CBFA2T3: variants seen among roughly 807,000 people sequenced by gnomAD.
CBFA2T3 encodes transcriptional corepressor CBFA2T3.
Under a neutral mutation model 58.6 loss-of-function variants are expected in CBFA2T3, and 31 were observed. The ratio of observed to expected loss-of-function variants is 0.53; its 90% CI spans 0.40 to 0.71. The LOEUF (loss-of-function observed/expected upper bound fraction) is 0.71, where lower values mean the gene tolerates loss of function less well. Among genes scored for constraint, CBFA2T3 ranks in the 30% least tolerant of loss-of-function variants. The pLI, the probability that CBFA2T3 is intolerant of heterozygous loss-of-function variation, is 0.00. For synonymous variants in CBFA2T3, 531 were observed against 421.9 expected, an observed-to-expected ratio of 1.26 and a Z score of -3.17; for missense variants, 1,076 against 963.1, an observed-to-expected ratio of 1.12 and a Z score of -1.55.
chr16:88,965,700 T>C (rs1288563726), intron 1 of CBFA2T3, among the ~76,000 whole-genome samples: 2 of 152,228 alleles, frequency 1.3e-5, no homozygotes, highest in African/African-American at 4.8e-5. Flanking sequence ...ACCTGTCATG[T>C]TTGAAAACCT....
intron 1 of CBFA2T3, among the ~76,000 whole-genome samples, chr16:88,943,602 C>T (rs1315153180): frequency 1.3e-5 from 2 of 152,180 alleles, no homozygotes; most frequent in Non-Finnish European, 2.9e-5. Context: ...CCTAGCCCAG[C>T]GGTCACAGGG....
At chr16:88,903,097 G>A (rs762746184) in intron 1 of CBFA2T3, among the ~76,000 whole-genome samples, 9 of 152,200 alleles carry the variant, frequency 5.9e-5, no homozygotes, top group Non-Finnish European at 1.2e-4. Context: ...GCTTCTGCCC[G>A]TTCCCCATTC....
At chr16:88,926,869 G>C (rs1971100663) in intron 1 of CBFA2T3, among the ~76,000 whole-genome samples, 1 of 152,204 alleles carries the variant, frequency 6.6e-6, no homozygotes, top group East Asian at 1.9e-4. Context: ...ACCTCACAGC[G>C]AGGTCCTTGC....
chr16:88,959,624 A>G (rs1292255450), intron 1 of CBFA2T3, among the ~76,000 whole-genome samples: 2 of 152,188 alleles, frequency 1.3e-5, no homozygotes, highest in Non-Finnish European at 2.9e-5. Flanking sequence ...AGGAGAGGGA[A>G]GGTCCCGGGG....
Position 88,879,651 on chromosome 16 carries a change from G to C in CBFA2T3, c.1472-191C>G, listed in dbSNP as rs146291866. ...CACACGTAGCATCTGTGCACACACAGACACACGTTGATGGCCCTCATGCCT... is the reference window on the plus strand; with the variant it reads ...CACACGTAGCATCTGTGCACACACACACACACGTTGATGGCCCTCATGCCT... On this transcript the variant is annotated intron_variant, in intron 10 of 11. Coordinates refer to ENST00000268679, the MANE Select transcript of CBFA2T3 (RefSeq NM_005187.6). 1,380 of 569,344 alleles carry C rather than the reference G, an allele frequency of 2.4e-3. 4 individuals carry two copies. The highest frequency in any genetic ancestry group is 3.5e-3 in the Non-Finnish European group (1,115 of 316,666). 35.3% of individuals were successfully genotyped at this position (569,344 alleles called of 1,614,324 possible).
intron 1 of CBFA2T3, among the ~76,000 whole-genome samples, chr16:88,956,450 C>G (rs1001867652): frequency 1.3e-5 from 2 of 152,250 alleles, no homozygotes; most frequent in Non-Finnish European, 2.9e-5. Flanking sequence ...GGCTCAGAGC[C>G]CAGCAGCTCC....
intron 1 of CBFA2T3, among the ~76,000 whole-genome samples, chr16:88,974,537 A>G (rs1179563515): frequency 6.6e-6 from 1 of 152,094 alleles, no homozygotes; most frequent in Non-Finnish European, 1.5e-5. Context: ...CCTGCCCGCC[A>G]CCAAACGCGC....
chr16:88,911,777 C>T, intron 1 of CBFA2T3, among the ~76,000 whole-genome samples: 1 of 152,280 alleles, frequency 6.6e-6, no homozygotes. Flanking sequence ...GCAGGTGGGG[C>T]TTGTCTTTGG....
chr16:88,877,365 C>T (rs1013286944), intron 11 of CBFA2T3, 90 bp from the exon 12 acceptor site: 29 of 1,037,400 alleles, frequency 2.8e-5, no homozygotes, highest in East Asian at 1.9e-4. Flanking sequence ...GACCCAGCCA[C>T]GTCATCACCA....
intron 1 of CBFA2T3, among the ~76,000 whole-genome samples, chr16:88,944,945 C>T (rs917934719): frequency 2.0e-5 from 3 of 152,238 alleles, no homozygotes; most frequent in Non-Finnish European, 4.4e-5. Flanking sequence ...TTTGGCAGAG[C>T]TGGAGTCCTG....
At chr16:88,914,277 G>A (rs1328663980) in intron 1 of CBFA2T3, among the ~76,000 whole-genome samples, 5 of 152,326 alleles carry the variant, frequency 3.3e-5, no homozygotes, top group South Asian at 2.1e-4. Flanking sequence ...CCCTGACAGC[G>A]CAGTGACCAG....
At chr16:88,936,225 C>T (rs895320024) in intron 1 of CBFA2T3, among the ~76,000 whole-genome samples, 2 of 152,216 alleles carry the variant, frequency 1.3e-5, no homozygotes, top group South Asian at 2.1e-4. Flanking sequence ...CTGACTGCCC[C>T]GGGCATTTCC....
chr16:88,943,012 C>G (rs929130943), intron 1 of CBFA2T3, among the ~76,000 whole-genome samples: 1 of 152,246 alleles, frequency 6.6e-6, no homozygotes, highest in African/African-American at 2.4e-5. Context: ...TCCTGGCTCC[C>G]TGGCTTCATG....
chr16:88,916,121 T>G (rs933159876), intron 1 of CBFA2T3, among the ~76,000 whole-genome samples: 1 of 151,770 alleles, frequency 6.6e-6, no homozygotes, highest in Admixed American at 6.5e-5. Flanking sequence ...TCCGTGTATG[T>G]GTGCACTCAC....
At chr16:88,880,106 G>A (rs1195450687) in intron 10 of CBFA2T3, 1 of 156,638 alleles carries the variant, frequency 6.4e-6, no homozygotes, top group Non-Finnish European at 1.4e-5. Flanking sequence ...TCTGTGCTAA[G>A]ATGGGGTAGG....
At chr16:88,956,342 C>T (rs568649077) in intron 1 of CBFA2T3, among the ~76,000 whole-genome samples, 1 of 152,384 alleles carries the variant, frequency 6.6e-6, no homozygotes, top group African/African-American at 2.4e-5. Context: ...GACCTTCACC[C>T]ACCCGCCGGG....
Position 88,885,422 on chromosome 16 carries a change from A to G in CBFA2T3, c.894-153T>C, listed in dbSNP as rs895147844. On this transcript the variant is annotated intron_variant, in intron 6 of 11. Transcript: ENST00000268679. This position sits in a 1 kb window ranked among gnomAD's most constrained non-coding sequence, Gnocchi z 5.3. ...CACGGAGCAAAACACCAGCCCCGGG[A>G]AGCCCAGCCCGGCGCCCCCACTCTC... Among the ~76,000 whole-genome samples, 4 of 152,122 alleles carry G rather than the reference A, an allele frequency of 2.6e-5. No homozygotes were observed. Among genetic ancestry groups the G allele is most frequent in the African/African-American group, 9.6e-5 (4 of 41,486 alleles).
chr16:88,885,273 G>T lies in CBFA2T3; in HGVS notation c.894-4C>A, dbSNP rs767300643. 6.5e-7 allele frequency: 1 copy of T among 1,528,208 alleles called. No homozygotes were observed. Among genetic ancestry groups the T allele is most frequent in the South Asian group, 1.3e-5 (1 of 79,630 alleles). The allele number at this position is 1,528,208 out of a possible 1,614,324, so 94.7% of individuals were successfully genotyped here. On this transcript the variant is annotated splice_polypyrimidine_tract_variant and splice_region_variant and intron_variant, in intron 6 of 11. Coordinates refer to ENST00000268679, the MANE Select transcript of CBFA2T3 (RefSeq NM_005187.6). This position sits in a 1 kb window ranked among gnomAD's most constrained non-coding sequence, Gnocchi z 5.3. ...GTCTGACCCGTTCTCTTTGGTCCTAGCCCCAAGAGCAGGTGGGGCGAGGGC... is the reference window on the plus strand; with the variant it reads ...GTCTGACCCGTTCTCTTTGGTCCTATCCCCAAGAGCAGGTGGGGCGAGGGC...
In CBFA2T3 at chr16:88,925,509, C is replaced by T. The variant is rs531265648; in HGVS notation, c.152-23853G>A. ...CCAGAGACCTGCTCCGAGTGCCCTG[C>T]GCTGCTCTCATCCCAGCAGAAGGAC... On this transcript the variant is annotated intron_variant, in intron 1 of 11. Coordinates refer to ENST00000268679, the MANE Select transcript of CBFA2T3 (RefSeq NM_005187.6). Among the ~76,000 whole-genome samples the T allele has an allele frequency of 1.6e-3, 247 of 152,260 alleles. 1 individual carries two copies. Among genetic ancestry groups the T allele is most frequent in the African/African-American group, 5.2e-3 (218 of 41,560 alleles).
Sources: allele counts gnomAD v4.1 joint callset (sites outside exome capture counted in the v4.1 genomes callset), GRCh38; gene constraint gnomAD v4.1.1; non-coding constraint Gnocchi (gnomAD v3.1); transcripts MANE v1.5; gene names NCBI Gene and HGNC (gene_info 2026-07-23, HGNC 2026-07-21).